The following ROR1 variants were observed in gnomAD, a reference collection of about 807,000 sequenced individuals.
ROR1 encodes ROR family WNT receptor 1.
In ROR1, 19 loss-of-function variants were observed where a neutral mutation model predicts 78.8. The observed-to-expected ratio is 0.24, with a 90% CI of 0.17 to 0.35. The LOEUF is 0.35. Ranked by LOEUF, ROR1 falls within the 10% of genes least tolerant of loss-of-function variation. The probability of loss-of-function intolerance (pLI) is 1.00; values close to 1 mark genes in which losing one functional copy is unlikely to be tolerated. For synonymous variants in ROR1, 386 were observed against 433.6 expected (o/e 0.89, Z 1.36); for missense variants, 917 against 1,177.8 (o/e 0.78, Z 3.24).
intron 1 of ROR1, among the ~76,000 whole-genome samples, chr1:63,808,135 A>C (rs1375873087): frequency 6.6e-6 from 1 of 152,048 alleles, no homozygotes; most frequent in Non-Finnish European, 1.5e-5. Context: ...CACGTTTGCC[A>C]GCTTTCCTTG....
chr1:63,990,767 C>T (rs528799389), intron 1 of ROR1, among the ~76,000 whole-genome samples: 1 of 152,078 alleles, frequency 6.6e-6, no homozygotes, highest in East Asian at 1.9e-4. Context: ...AAGGTAAAAG[C>T]CAGATTCTCT....
intron 4 of ROR1, among the ~76,000 whole-genome samples, chr1:64,088,251 A>G (rs1464364701): frequency 6.6e-6 from 1 of 152,148 alleles, no homozygotes; most frequent in East Asian, 1.9e-4. Context: ...TCATAAAGGG[A>G]TCATGGATAT....
chr1:63,944,437 A>T (rs969500897), intron 1 of ROR1, among the ~76,000 whole-genome samples: 16 of 152,350 alleles, frequency 1.1e-4, no homozygotes, highest in Middle Eastern at 6.8e-3. Context: ...TTGATTGTGC[A>T]TTGGATACAT....
At chr1:64,075,937 G>A (rs952143622) in intron 4 of ROR1, among the ~76,000 whole-genome samples, 2 of 152,154 alleles carry the variant, frequency 1.3e-5, no homozygotes, top group Non-Finnish European at 2.9e-5. Context: ...CTTGATAAGT[G>A]ACCACAGGAA....
rs543485840 is a variant in ROR1 at position 63,975,683 on chromosome 1, T to C, written c.92-33622T>C. On this transcript the variant is annotated intron_variant, in intron 1 of 8. Coordinates refer to ENST00000371079, the MANE Select transcript of ROR1 (RefSeq NM_005012.4). ...AGCAAATTTCTGAGCGTTATGTAAT[T>C]TCTCCCTGGCTTTGAGCTCCCGTGA... Among the ~76,000 whole-genome samples the C allele has an allele frequency of 8.7e-4, 132 of 152,178 alleles. 1 individual carries two copies. The highest frequency in any genetic ancestry group is 1.5e-3 in the Non-Finnish European group (100 of 68,038).
chr1:64,109,178 T>C (rs1238835715), intron 4 of ROR1, among the ~76,000 whole-genome samples: 1 of 152,152 alleles, frequency 6.6e-6, no homozygotes, highest in Non-Finnish European at 1.5e-5. Context: ...TGGCATCAAC[T>C]ATTGTTCTGA....
intron 1 of ROR1, among the ~76,000 whole-genome samples, chr1:63,852,647 C>T (rs1645121502): frequency 6.6e-6 from 1 of 152,200 alleles, no homozygotes. Flanking sequence ...CTCACTAATG[C>T]AAACCAGTTC....
At chr1:63,931,452 C>T (rs929839550) in intron 1 of ROR1, among the ~76,000 whole-genome samples, 6 of 152,160 alleles carry the variant, frequency 3.9e-5, no homozygotes, top group African/African-American at 1.4e-4. Flanking sequence ...ACCTCGAGTA[C>T]AGTAGTCTTC....
At chr1:63,934,493 A>T (rs766240025) in intron 1 of ROR1, among the ~76,000 whole-genome samples, 23 of 152,178 alleles carry the variant, frequency 1.5e-4, no homozygotes, top group Non-Finnish European at 2.5e-4. Context: ...AGGTGCTATC[A>T]TTGACACAAA....
At chr1:64,095,541 T>C (rs1017076872) in intron 4 of ROR1, among the ~76,000 whole-genome samples, 11 of 152,152 alleles carry the variant, frequency 7.2e-5, no homozygotes, top group African/African-American at 1.4e-4. Flanking sequence ...AGGAAAGTCA[T>C]AGGGGAGGTT....
chr1:63,811,728 C>T lies in ROR1; in HGVS notation c.91+37220C>T, dbSNP rs138275420. On this transcript the variant is annotated intron_variant, in intron 1 of 8. Transcript: ENST00000371079. ...TCCTCATCTGTGAGGTAAAAACATT[C>T]AGAGACTCAGTGTTTCTTATGACAT... is the stretch of plus-strand genomic sequence containing the variant. 3.3e-5 allele frequency among the ~76,000 whole-genome samples: 5 copies of T among 152,204 alleles called. No individual in the cohort carries two copies. The East Asian group carries it at 9.7e-4, about 29-fold the overall frequency.
chr1:64,118,192 G>A (rs1648387678), intron 4 of ROR1, among the ~76,000 whole-genome samples: 1 of 152,158 alleles, frequency 6.6e-6, no homozygotes, highest in African/African-American at 2.4e-5. Context: ...GACAGCATGA[G>A]ACCCTGTCTC....
rs561521713 is a variant in ROR1 at position 63,874,115 on chromosome 1, T to C, written c.91+99607T>C. On this transcript the variant is annotated intron_variant, in intron 1 of 8. Coordinates refer to ENST00000371079, the MANE Select transcript of ROR1 (RefSeq NM_005012.4). ...CTCTCTAAGTACAAGATAGTTATTA[T>C]TGAGATATGTTCATGAATAAATTAA... 1.6e-3 allele frequency among the ~76,000 whole-genome samples: 238 copies of C among 152,244 alleles called. 1 individual carries two copies. Among genetic ancestry groups the C allele is most frequent in the African/African-American group, 5.4e-3 (226 of 41,546 alleles).
rs773623456 is a variant in ROR1, at chr1:64,131,465, C to A, written c.483-5904C>A. Among the ~76,000 whole-genome samples, 2 of 152,180 alleles carry A rather than the reference C, an allele frequency of 1.3e-5. 1 individual carries two copies. Among genetic ancestry groups the A allele is most frequent in the Admixed American group, 1.3e-4 (2 of 15,288 alleles). On this transcript the variant is annotated intron_variant, in intron 4 of 8. Transcript: ENST00000371079. ...GAAGTGACTTACAAAGCTACCCCCA[C>A]GACCTCCCCCACCTTGAGGCCTGAA... is the stretch of plus-strand genomic sequence containing the variant.
At chr1:63,860,234 C>CAAGT (rs1645171491) in intron 1 of ROR1, among the ~76,000 whole-genome samples, 1 of 152,038 alleles carries the variant, frequency 6.6e-6, no homozygotes, top group Non-Finnish European at 1.5e-5. Context: ...TGTAGCTGTT[C>CAAGT]AATAAAACTT....
intron 8 of ROR1, among the ~76,000 whole-genome samples, chr1:64,164,526 A>G (rs963090556): frequency 6.6e-6 from 1 of 152,236 alleles, no homozygotes; most frequent in African/African-American, 2.4e-5. Context: ...TTGAGATAGC[A>G]TGTCTGGCAC....
chr1:63,979,965 G>A (rs1646195997), intron 1 of ROR1, among the ~76,000 whole-genome samples: 1 of 152,078 alleles, frequency 6.6e-6, no homozygotes, highest in Admixed American at 6.6e-5. Flanking sequence ...ATCAAACACT[G>A]TGGAATAGCT....
Position 64,012,007 on chromosome 1 carries a change from C to T in ROR1, c.163+2631C>T, listed in dbSNP as rs528581582. Among the ~76,000 whole-genome samples, 4 of 152,246 alleles carry T rather than the reference C, an allele frequency of 2.6e-5. No homozygotes were observed. The South Asian group carries it at 8.3e-4, about 32-fold the overall frequency. On this transcript the variant is annotated intron_variant, in intron 2 of 8. Coordinates refer to ENST00000371079, the MANE Select transcript of ROR1 (RefSeq NM_005012.4). ...CACTTCTTCCAATCACAGAGAGATA[C>T]TAGTGAAATATACAATGAAGAAAAT... is the stretch of plus-strand genomic sequence containing the variant.
intron 2 of ROR1, among the ~76,000 whole-genome samples, chr1:64,046,469 C>G (rs1646786341): frequency 6.6e-6 from 1 of 152,214 alleles, no homozygotes; most frequent in Non-Finnish European, 1.5e-5. Context: ...CTTGGGTCAT[C>G]TACTACACTG....
Sources: allele counts gnomAD v4.1 joint callset (sites outside exome capture counted in the v4.1 genomes callset), GRCh38; gene constraint gnomAD v4.1.1; transcripts MANE v1.5; gene names NCBI Gene and HGNC (gene_info 2026-07-23, HGNC 2026-07-21).